The following SETD3 variants were observed in gnomAD, a reference collection of about 807,000 sequenced individuals.
The protein encoded by SETD3 is SET domain containing 3, actin N3(tau)-histidine methyltransferase.
A neutral mutation model predicts 63.0 loss-of-function variants in SETD3; 19 were observed. That is an observed-to-expected ratio of 0.30 (90% CI 0.21 to 0.44). SETD3 has a LOEUF of 0.44. SETD3 is among the 20% of genes least tolerant of loss of function. SETD3 has a pLI of 1.00. For synonymous variants in SETD3, 286 were observed against 264.1 expected, an observed-to-expected ratio of 1.08 and a Z score of -0.80; for missense variants, 587 against 728.5, an observed-to-expected ratio of 0.81 and a Z score of 2.24.
intron 6 of SETD3, among the ~76,000 whole-genome samples, chr14:99,424,174 A>G (rs1022854326): frequency 3.9e-5 from 6 of 152,370 alleles, no homozygotes; most frequent in African/African-American, 1.2e-4. Flanking sequence ...ATCTTTTACT[A>G]TAAGATGTTT....
intron 6 of SETD3, among the ~76,000 whole-genome samples, chr14:99,421,045 A>C (rs929141791): frequency 8.2e-6 from 1 of 121,662 alleles, no homozygotes; most frequent in Non-Finnish European, 1.7e-5. Context: ...TTGCCTTTTG[A>C]CACTACCTGT....
intron 8 of SETD3, among the ~76,000 whole-genome samples, chr14:99,409,225 G>A (rs1353854387): frequency 1.3e-5 from 2 of 152,166 alleles, no homozygotes; most frequent in Admixed American, 6.5e-5. Context: ...GGCCCTAAGC[G>A]AGGCACTTGG....
At chr14:99,437,980 C>G (rs1271777536) in intron 6 of SETD3, among the ~76,000 whole-genome samples, 1 of 152,190 alleles carries the variant, frequency 6.6e-6, no homozygotes, top group Non-Finnish European at 1.5e-5. Flanking sequence ...ACCACAGCCA[C>G]TAATTCACTT....
At chr14:99,403,016 G>A (rs1891466507) in intron 11 of SETD3, among the ~76,000 whole-genome samples, 1 of 152,152 alleles carries the variant, frequency 6.6e-6, no homozygotes, top group African/African-American at 2.4e-5. Flanking sequence ...TTGAATTGAT[G>A]AACCATTACC....
chr14:99,438,753 T>C (rs1893629231), intron 6 of SETD3, among the ~76,000 whole-genome samples: 1 of 152,168 alleles, frequency 6.6e-6, no homozygotes, highest in African/African-American at 2.4e-5. Flanking sequence ...CATGTGCCCC[T>C]ACAGGATAAG....
At chr14:99,441,889 A>G (rs1237540765) in intron 6 of SETD3, among the ~76,000 whole-genome samples, 1 of 152,230 alleles carries the variant, frequency 6.6e-6, no homozygotes, top group East Asian at 1.9e-4. Flanking sequence ...TCAAGAGCAC[A>G]GGGACCCTTT....
intron 6 of SETD3, among the ~76,000 whole-genome samples, chr14:99,434,787 T>C (rs10873503): frequency 0.51 from 73,427 of 143,950 alleles, 18,757 homozygotes; most frequent in African/African-American, 0.62. Flanking sequence ...GGAGAGGTTG[T>C]GATGAGCCGA....
chr14:99,465,874 T>C lies in SETD3; in HGVS notation c.-8-61A>G, dbSNP rs529596043. 22 of 1,103,142 alleles carry C rather than the reference T, an allele frequency of 2.0e-5. No homozygotes were observed. The Admixed American group carries it at 2.0e-4, about 10-fold the overall frequency. 68.3% of individuals were successfully genotyped at this position (1,103,142 alleles called of 1,614,324 possible). Reference sequence around the variant, plus strand: ...ATTACCAAAGAACAAAATCAAGTAATAAAACATGTCCAACACATGGCAGTG... The same window carrying C: ...ATTACCAAAGAACAAAATCAAGTAACAAAACATGTCCAACACATGGCAGTG... On this transcript the variant is annotated intron_variant, in intron 1 of 12. Coordinates refer to ENST00000331768, the MANE Select transcript of SETD3 (RefSeq NM_032233.3).
At chr14:99,470,042 G>A (rs576318073) in intron 1 of SETD3, among the ~76,000 whole-genome samples, 1 of 152,136 alleles carries the variant, frequency 6.6e-6, no homozygotes, top group South Asian at 2.1e-4. Flanking sequence ...CAAGGTCTTC[G>A]AGGACTGAAC....
At chr14:99,461,710 ATTTGC>A (rs1463743481) in intron 3 of SETD3, among the ~76,000 whole-genome samples, 4 of 152,224 alleles carry the variant, frequency 2.6e-5, no homozygotes, top group African/African-American at 9.6e-5. Flanking sequence ...TCATGTTCAC[ATTTGC>A]TTTAACAAAA....
At chr14:99,399,222 T>C in intron 12 of SETD3, 97 bp from the exon 13 acceptor site, 1 of 1,037,852 alleles carries the variant, frequency 9.6e-7, no homozygotes, top group Non-Finnish European at 1.4e-6. Flanking sequence ...ATGAGGGAAC[T>C]TTTTGGGGTG....
At chr14:99,451,599 T>A (rs913177822) in intron 6 of SETD3, among the ~76,000 whole-genome samples, 1 of 152,072 alleles carries the variant, frequency 6.6e-6, no homozygotes, top group South Asian at 2.1e-4. Context: ...CTCAACTTCC[T>A]GTGTTTAAGC....
At chr14:99,450,867 T>C (rs952256349) in intron 6 of SETD3, among the ~76,000 whole-genome samples, 1 of 152,218 alleles carries the variant, frequency 6.6e-6, no homozygotes, top group African/African-American at 2.4e-5. Context: ...TGCATTTACT[T>C]AAAAAGCATT....
At chr14:99,414,330 C>A (rs1269158146) in intron 6 of SETD3, among the ~76,000 whole-genome samples, 1 of 152,256 alleles carries the variant, frequency 6.6e-6, no homozygotes, top group Non-Finnish European at 1.5e-5. Flanking sequence ...CCATGATGTA[C>A]CGCACAGGCC....
chr14:99,410,908 T>C (rs1302533544), intron 8 of SETD3, among the ~76,000 whole-genome samples: 5 of 152,174 alleles, frequency 3.3e-5, no homozygotes, highest in African/African-American at 1.2e-4. Flanking sequence ...ATAGTCAGGG[T>C]AGACTGACAA....
At chr14:99,451,610 G>A (rs1266932228) in intron 6 of SETD3, among the ~76,000 whole-genome samples, 2 of 152,012 alleles carry the variant, frequency 1.3e-5, no homozygotes, top group African/African-American at 2.4e-5. Context: ...GTGTTTAAGC[G>A]ATTCTCCTGC....
Position 99,398,451 on chromosome 14 carries a change from T to C in SETD3, c.*228A>G. 1 of 525,190 alleles carries C rather than the reference T, an allele frequency of 1.9e-6. No homozygotes were observed. The allele number at this position is 525,190 out of a possible 1,614,324, so 32.5% of individuals were successfully genotyped here. A position where few individuals can be genotyped will look rare whatever the true frequency, so the allele number is the denominator to read the frequency against. ...ACAGGCACCTCTTCTCCCTTTCTTGTGGTTGTTTGTTAATTGGTTTGTTTT... is the reference window on the plus strand; with the variant it reads ...ACAGGCACCTCTTCTCCCTTTCTTGCGGTTGTTTGTTAATTGGTTTGTTTT... On this transcript the variant is annotated 3_prime_UTR_variant, in exon 13 of 13. Transcript: ENST00000331768.
chr14:99,463,236 T>C (rs1203698546), intron 3 of SETD3, among the ~76,000 whole-genome samples: 1 of 152,256 alleles, frequency 6.6e-6, no homozygotes, highest in Non-Finnish European at 1.5e-5. Context: ...TTGTATCATT[T>C]TAGCACCCAG....
At chr14:99,457,961 T>C (rs1894854671) in intron 6 of SETD3, among the ~76,000 whole-genome samples, 1 of 152,240 alleles carries the variant, frequency 6.6e-6, no homozygotes, top group Non-Finnish European at 1.5e-5. Flanking sequence ...AGTAACTTAT[T>C]GCATTAGATA....
Sources: gnomAD v4.1 joint callset for allele counts (sites outside exome capture counted in the v4.1 genomes callset) on GRCh38, gnomAD v4.1.1 for gene constraint, MANE v1.5 for transcripts, NCBI Gene and HGNC (gene_info 2026-07-23, HGNC 2026-07-21) for gene names.